Variants in CSNK2A1 observed in about 807,000 individuals in gnomAD.
CSNK2A1 encodes casein kinase II subunit alpha.
A neutral mutation model predicts 62.9 loss-of-function variants in CSNK2A1; 10 were observed. That is an observed-to-expected ratio of 0.16 (90% CI 0.10 to 0.27). CSNK2A1 has a LOEUF of 0.27. Ranked by LOEUF, CSNK2A1 falls within the 10% of genes least tolerant of loss-of-function variation. The probability of loss-of-function intolerance (pLI) is 1.00; values close to 1 mark genes in which losing one functional copy is unlikely to be tolerated. For synonymous variants in CSNK2A1, 124 were observed against 167.8 expected (o/e 0.74, Z 2.02); for missense variants, 160 against 492.0 (o/e 0.33, Z 6.38).
At chr20:531,768 T>G (rs1432759466) in intron 1 of CSNK2A1, among the ~76,000 whole-genome samples, 1 of 152,198 alleles carries the variant, frequency 6.6e-6, no homozygotes, top group Non-Finnish European at 1.5e-5. Flanking sequence ...AGACAATGTA[T>G]CCTAGGCTTC....
chr20:526,805 ATT>A (rs1423371105), intron 2 of CSNK2A1: 2 of 151,862 alleles, frequency 1.3e-5, no homozygotes, highest in African/African-American at 4.8e-5. Context: ...AATATAAAAA[ATT>A]AGCTGGGTGT....
chr20:487,676 G>C, intron 11 of CSNK2A1, 101 bp from the exon 12 acceptor site: 1 of 1,526,566 alleles, frequency 6.6e-7, no homozygotes, highest in Non-Finnish European at 8.9e-7. Flanking sequence ...CCAGACAAAA[G>C]CAAAGAGGGA....
intron 9 of CSNK2A1, among the ~76,000 whole-genome samples, chr20:490,957 GTATTT>G (rs556165267): frequency 6.8e-6 from 1 of 147,086 alleles, no homozygotes; most frequent in East Asian, 2.0e-4. Flanking sequence ...TGTATCATTA[GTATTT>G]TATTACATAA....
intron 2 of CSNK2A1, among the ~76,000 whole-genome samples, chr20:515,505 C>T (rs552374812): frequency 6.6e-6 from 1 of 152,260 alleles, no homozygotes; most frequent in African/African-American, 2.4e-5. Flanking sequence ...AGCCTAAGTT[C>T]AGTAGCTTGA....
At chr20:519,435 T>G (rs566011209) in intron 2 of CSNK2A1, among the ~76,000 whole-genome samples, 1 of 152,270 alleles carries the variant, frequency 6.6e-6, no homozygotes, top group African/African-American at 2.4e-5. Flanking sequence ...AAAGATGAGT[T>G]GGGTGTAATG....
chr20:520,297 G>A (rs2018917514), intron 2 of CSNK2A1, among the ~76,000 whole-genome samples: 1 of 151,938 alleles, frequency 6.6e-6, no homozygotes, highest in Non-Finnish European at 1.5e-5. Context: ...TAATAAAGCT[G>A]GAAGAATTAT....
chr20:488,898 C>A, intron 10 of CSNK2A1, 120 bp from the exon 11 acceptor site: 2 of 867,370 alleles, frequency 2.3e-6, no homozygotes, highest in Non-Finnish European at 3.5e-6. Flanking sequence ...AATGCTACCT[C>A]CTAACAGTTT....
At chr20:502,880 C>T (rs973240180) in intron 4 of CSNK2A1, 33 of 152,108 alleles carry the variant, frequency 2.2e-4, no homozygotes, top group African/African-American at 8.0e-4. Flanking sequence ...TATCTTGGTG[C>T]ACTCTACAGC....
At chr20:533,336 A>G (rs73892446) in intron 1 of CSNK2A1, among the ~76,000 whole-genome samples, 6,324 of 152,318 alleles carry the variant, frequency 0.042, 173 homozygotes, top group South Asian at 0.052. Flanking sequence ...CTGCTTGTGT[A>G]AACTTGCAGA....
intron 1 of CSNK2A1, among the ~76,000 whole-genome samples, chr20:531,480 C>T (rs2019211263): frequency 6.6e-6 from 1 of 152,098 alleles, no homozygotes; most frequent in South Asian, 2.1e-4. Context: ...ATTTAGACTA[C>T]ACAAATTTTG....
chr20:541,083 T>C (rs1211172955), intron 1 of CSNK2A1: 1 of 152,236 alleles, frequency 6.6e-6, no homozygotes, highest in Admixed American at 6.5e-5. Context: ...TCTGATAAAC[T>C]TTCCATGTGG....
At chr20:535,129 G>T (rs6052705) in intron 1 of CSNK2A1, among the ~76,000 whole-genome samples, 2 of 150,088 alleles carry the variant, frequency 1.3e-5, no homozygotes, top group East Asian at 3.9e-4. Context: ...GCTGAGTTAA[G>T]AGGACTGCTT....
chr20:487,375 C>A, intron 12 of CSNK2A1, 52 bp downstream of exon 12: 1 of 1,611,352 alleles, frequency 6.2e-7, no homozygotes, highest in South Asian at 1.1e-5. Flanking sequence ...CGACTCTGTT[C>A]TATAGGACTC....
Position 478,753 on chromosome 20 carries a change from C to A in CSNK2A1, c.*5208G>T. The A allele has an allele frequency of 3.9e-6, 1 of 258,582 alleles. No individual in the cohort carries two copies. The highest frequency in any genetic ancestry group is 7.6e-6 in the Non-Finnish European group (1 of 130,928). 16.0% of individuals were successfully genotyped at this position (258,582 alleles called of 1,614,324 possible). On this transcript the variant is annotated 3_prime_UTR_variant, in exon 14 of 14. Coordinates refer to ENST00000217244, the MANE Select transcript of CSNK2A1 (RefSeq NM_177559.3). ...GACCAGCCTGGGCAACACGGCAAAA[C>A]TTCATCTCTACCAAAAAAAAAAAAA... is the stretch of plus-strand genomic sequence containing the variant.
chr20:523,791 T>A (rs532666229), intron 2 of CSNK2A1, among the ~76,000 whole-genome samples: 6 of 141,426 alleles, frequency 4.2e-5, no homozygotes, highest in African/African-American at 1.6e-4. Context: ...CTCGGGAGGC[T>A]GAGCTTGCAG....
rs1568559171 is a variant in CSNK2A1 at position 527,005 on chromosome 20, G to GAC, written c.-110+927_-110+928insGT. ...AGAGAAAGAGAGAGAGACAGACAGA[G>GAC]AGAGAGAGAGAGAGAGAGAGAGAGA... On this transcript the variant is annotated intron_variant, in intron 2 of 13. Transcript: ENST00000217244. 338 of 61,376 alleles carry GAC rather than the reference G, an allele frequency of 5.5e-3. 2 individuals are homozygous for GAC. The highest frequency in any genetic ancestry group is 0.027 in the African/African-American group (315 of 11,810). 3.8% of individuals were successfully genotyped at this position (61,376 alleles called of 1,614,324 possible).
At chr20:485,877 G>A (rs774663932) in intron 13 of CSNK2A1, among the ~76,000 whole-genome samples, 5 of 152,092 alleles carry the variant, frequency 3.3e-5, no homozygotes, top group Non-Finnish European at 5.9e-5. Flanking sequence ...GAATAACTGG[G>A]TACTCTATAA....
intron 1 of CSNK2A1, chr20:539,239 G>A (rs2019397946): frequency 6.6e-6 from 1 of 152,218 alleles, no homozygotes; most frequent in Non-Finnish European, 1.5e-5. Flanking sequence ...AGGGCTAAAT[G>A]AGGGTATCCA....
intron 4 of CSNK2A1, chr20:503,364 GC>G (rs1376723819): frequency 2.5e-6 from 1 of 397,330 alleles, no homozygotes; most frequent in Non-Finnish European, 4.4e-6. Flanking sequence ...GACTACTATG[GC>G]TAGTCACCCA....
Sources: allele counts gnomAD v4.1 joint callset (sites outside exome capture counted in the v4.1 genomes callset), GRCh38; gene constraint gnomAD v4.1.1; transcripts MANE v1.5; gene names NCBI Gene and HGNC (gene_info 2026-07-23, HGNC 2026-07-21).